WNK1: variants seen among roughly 807,000 people sequenced by gnomAD.
The protein encoded by WNK1 is WNK lysine deficient protein kinase 1.
Under a neutral mutation model 222.8 loss-of-function variants are expected in WNK1, and 38 were observed. That is an observed-to-expected ratio of 0.17 (90% CI 0.13 to 0.22). The LOEUF (loss-of-function observed/expected upper bound fraction) is 0.22. WNK1 is among the 10% of genes least tolerant of loss of function. The pLI is 1.00. For synonymous variants in WNK1, 1,090 were observed against 1,092.9 expected, an observed-to-expected ratio of 1.00 and a Z score of 0.05; for missense variants, 2,348 against 2,918.4, an observed-to-expected ratio of 0.80 and a Z score of 4.50.
chr12:865,204 C>T (rs1375784305), intron 8 of WNK1: 2 of 1,535,938 alleles, frequency 1.3e-6, no homozygotes, highest in South Asian at 1.2e-5. Flanking sequence ...CACCCCACCG[C>T]CAGTACTGTC....
chr12:887,589 A>G (rs902195523), intron 20 of WNK1, among the ~76,000 whole-genome samples: 1 of 152,156 alleles, frequency 6.6e-6, no homozygotes, highest in Admixed American at 6.5e-5. Flanking sequence ...TGTCAGACCC[A>G]TATAGCTCCC....
chr12:807,783 A>C (rs1005677405), intron 1 of WNK1, among the ~76,000 whole-genome samples: 1 of 133,016 alleles, frequency 7.5e-6, no homozygotes, highest in East Asian at 2.2e-4. Flanking sequence ...GCAGTGGCGC[A>C]ATCTCGGCTC....
intron 26 of WNK1, among the ~76,000 whole-genome samples, chr12:907,320 C>CAAAA (rs58787108): frequency 5.8e-5 from 7 of 121,380 alleles, no homozygotes; most frequent in African/African-American, 2.1e-4. Context: ...GACTCCATCT[C>CAAAA]AAAAAAAAAA....
At position 907,996 on chromosome 12, in the gene WNK1, T is replaced by C. The variant is rs764856249; in HGVS notation, c.6793T>C (p.Ser2265Pro). ...TTGGGCCCGAGATGCCATGAATCTC[T>C]CAGGCAGGAGAGGAAGCAAAGGGCA... ...DNWARDAMNL[S>P]GRRGSKGHMN... Residue 2265 changes from serine to proline, a missense_variant, in exon 27 of 28, where the codon TCA becomes CCA. Ser to Pro is a moderately conservative substitution (Grantham distance 74, BLOSUM62 -1). This residue lies in a region of WNK1 where 55 missense variants were observed against 104.1 expected (regional missense o/e 0.53). Transcript: ENST00000315939. 1 of 1,614,150 alleles carries C rather than the reference T, an allele frequency of 6.2e-7. No homozygotes were observed. Among genetic ancestry groups the C allele is most frequent in the Admixed American group, 1.7e-5 (1 of 60,020 alleles).
At chr12:835,650 G>T (rs1241649287) in intron 4 of WNK1, among the ~76,000 whole-genome samples, 2 of 151,724 alleles carry the variant, frequency 1.3e-5, no homozygotes, top group Admixed American at 6.6e-5. Context: ...AAAAAAAAAT[G>T]TTGATAGAAG....
intron 14 of WNK1, 70 bp downstream of exon 14, chr12:882,143 ATCAAATCCAAACCACTCACT>A: frequency 6.7e-7 from 1 of 1,484,216 alleles, no homozygotes; most frequent in South Asian, 1.2e-5. Context: ...TTTAGAGGTC[ATCAAATCCAAACCACTCACT>A]TCATAAAATA....
chr12:775,957 T>C (rs1169514153), intron 1 of WNK1, among the ~76,000 whole-genome samples: 1 of 152,164 alleles, frequency 6.6e-6, no homozygotes, highest in Non-Finnish European at 1.5e-5. Flanking sequence ...ATTTTTGTTT[T>C]AAAAGCTGAG....
At position 809,013 on chromosome 12, in the gene WNK1, C is replaced by T. The variant is rs182725204; in HGVS notation, c.760-4629C>T. On this transcript the variant is annotated intron_variant, in intron 1 of 27. Coordinates refer to ENST00000315939, the MANE Select transcript of WNK1 (RefSeq NM_018979.4). ...TCCTGACCTCAGGTGATCTGCCCAC[C>T]TTGGCCTCCCAAAGTGCTGGGATTA... is the stretch of plus-strand genomic sequence containing the variant. 9.2e-3 allele frequency among the ~76,000 whole-genome samples: 1,402 copies of T among 152,086 alleles called. 18 individuals carry two copies. The highest frequency in any genetic ancestry group is 0.029 in the African/African-American group (1,211 of 41,490).
chr12:840,291 CTTT>C (rs71441622), intron 4 of WNK1, among the ~76,000 whole-genome samples: 2 of 128,398 alleles, frequency 1.6e-5, no homozygotes, highest in Middle Eastern at 3.8e-3. Flanking sequence ...CCATGTCCAG[CTTT>C]TTTTTTTTTT....
At chr12:859,707 ATT>A (rs56249691) in intron 6 of WNK1, among the ~76,000 whole-genome samples, 11 of 140,206 alleles carry the variant, frequency 7.8e-5, no homozygotes, top group East Asian at 2.0e-4. Flanking sequence ...TTAAAAGTAA[ATT>A]TTTTTTTTTT....
Position 884,117 on chromosome 12 carries a change from C to T in WNK1, c.3722-4C>T, listed in dbSNP as rs868675360. On this transcript the variant is annotated splice_polypyrimidine_tract_variant and splice_region_variant and intron_variant, in intron 17 of 27. Coordinates refer to ENST00000315939, the MANE Select transcript of WNK1 (RefSeq NM_018979.4). The surrounding 1 kb of genome is among the most constrained non-coding windows in gnomAD (Gnocchi z 5.6). ...GTTACGTTTGTTTGTTTGTTTTTGACCAGGCATTCCTACCAGTTCTTTAAC... is the reference window on the plus strand; with the variant it reads ...GTTACGTTTGTTTGTTTGTTTTTGATCAGGCATTCCTACCAGTTCTTTAAC... The T allele has an allele frequency of 1.9e-6, 3 of 1,614,002 alleles. No homozygotes were observed. The highest frequency in any genetic ancestry group is 1.7e-6 in the Non-Finnish European group (2 of 1,179,970).
Position 911,096 on chromosome 12 carries a change from GTTAT to G in WNK1, c.*2308_*2311del, listed in dbSNP as rs1037799739. On this transcript the variant is annotated 3_prime_UTR_variant, in exon 28 of 28. Coordinates refer to ENST00000315939, the MANE Select transcript of WNK1 (RefSeq NM_018979.4). ...ATACACAAAAAAAGTCAGAACTGGTGTTATTTACTGTTGATTTCATCCTCCTGTG... is the reference window on the plus strand; with the variant it reads ...ATACACAAAAAAAGTCAGAACTGGTGTTACTGTTGATTTCATCCTCCTGTG... 15 of 392,218 alleles carry G rather than the reference GTTAT, an allele frequency of 3.8e-5. No individual in the cohort carries two copies. The highest frequency in any genetic ancestry group is 5.8e-5 in the Non-Finnish European group (13 of 222,988). The allele number at this position is 392,218 out of a possible 1,614,324, so 24.3% of individuals were successfully genotyped here. A position where few individuals can be genotyped will look rare whatever the true frequency, so the allele number is the denominator to read the frequency against.
intron 8 of WNK1, chr12:868,931 C>G (rs775546936): frequency 6.3e-7 from 1 of 1,592,690 alleles, no homozygotes; most frequent in Admixed American, 1.7e-5. Flanking sequence ...GTCACCTCCC[C>G]CTACAGGGGG....
rs1419757026 is a variant in WNK1, at chr12:758,536, C to T, written c.759+4212C>T. 6.3e-5 allele frequency among the ~76,000 whole-genome samples: 9 copies of T among 143,486 alleles called. 1 individual carries two copies. The highest frequency in any genetic ancestry group is 1.2e-4 in the Non-Finnish European group (8 of 64,324). 94.1% of individuals were successfully genotyped at this position (143,486 alleles called of 152,430 possible). A position where few individuals can be genotyped will look rare whatever the true frequency, so the allele number is the denominator to read the frequency against. ...CCGAGTAGCTGGGACTACAGGCGCC[C>T]GCCACCGTGCCCGGCTAATTTTTTG... On this transcript the variant is annotated intron_variant, in intron 1 of 27. Coordinates refer to ENST00000315939, the MANE Select transcript of WNK1 (RefSeq NM_018979.4).
In WNK1 at chr12:862,231, A is replaced by C. The variant is rs1481569590; in HGVS notation, c.2100A>C (p.Ala700=). Residue 700 remains alanine (A), a synonymous_variant, in exon 8 of 28, where the codon GCA becomes GCC. Coordinates refer to ENST00000315939, the MANE Select transcript of WNK1 (RefSeq NM_018979.4). ...GGCATATACCTTCTACTGTCCAAGC[A>C]CAGTCTCAGCCCCATGGGGTATATC... ...VPGHIPSTVQ[A]QSQPHGVYPP... 1.2e-6 allele frequency: 2 copies of C among 1,614,148 alleles called. No individual in the cohort carries two copies. Among genetic ancestry groups the C allele is most frequent in the East Asian group, 4.5e-5 (2 of 44,884 alleles).
chr12:900,234 C>T (rs1304049104), intron 25 of WNK1, among the ~76,000 whole-genome samples: 2 of 152,122 alleles, frequency 1.3e-5, no homozygotes, highest in African/African-American at 4.8e-5. Flanking sequence ...GATCCGCCCA[C>T]CTTGGCCTCC....
chr12:803,200 A>G (rs1459070224), intron 1 of WNK1, among the ~76,000 whole-genome samples: 2 of 152,202 alleles, frequency 1.3e-5, no homozygotes, highest in East Asian at 1.9e-4. Context: ...CTGATTTGAC[A>G]AGGAAATGTG....
At chr12:840,977 A>T (rs2154041387) in intron 4 of WNK1, among the ~76,000 whole-genome samples, 1 of 152,342 alleles carries the variant, frequency 6.6e-6, no homozygotes, top group African/African-American at 2.4e-5. Flanking sequence ...TAAATGAAAG[A>T]TGTCTTTGAT....
At chr12:905,320 A>G (rs1455511612) in intron 26 of WNK1, among the ~76,000 whole-genome samples, 1 of 152,200 alleles carries the variant, frequency 6.6e-6, no homozygotes, top group Non-Finnish European at 1.5e-5. Flanking sequence ...CAGAAGCCAG[A>G]ACGTGAAGGT....
Sources: gnomAD v4.1 joint callset for allele counts (sites outside exome capture counted in the v4.1 genomes callset) on GRCh38, gnomAD v4.1.1 for gene constraint, gnomAD v4.1.1 regional missense constraint, Gnocchi (gnomAD v3.1) non-coding constraint, MANE v1.5 for transcripts, NCBI Gene and HGNC (gene_info 2026-07-23, HGNC 2026-07-21) for gene names.